GABRG3: variants seen among roughly 807,000 people sequenced by gnomAD.
The protein encoded by GABRG3 is gamma-aminobutyric acid type A receptor subunit gamma3.
GABRG3 carries 25 observed loss-of-function variants against 48.8 expected under a neutral mutation model. The observed-to-expected ratio is 0.51, with a 90% CI of 0.37 to 0.72. The LOEUF is 0.72. Ranked by LOEUF, GABRG3 falls within the 30% of genes least tolerant of loss-of-function variation. The pLI is 0.00. For synonymous variants in GABRG3, 227 were observed against 217.6 expected (o/e 1.04, Z -0.38); for missense variants, 394 against 577.9 (o/e 0.68, Z 3.26).
At chr15:27,307,334 A>G (rs1339037689) in intron 3 of GABRG3, among the ~76,000 whole-genome samples, 1 of 139,840 alleles carries the variant, frequency 7.2e-6, no homozygotes, top group African/African-American at 2.6e-5. Flanking sequence ...TTTATATATA[A>G]CCATAGGTTT....
At chr15:27,294,857 C>T (rs1390759441) in intron 3 of GABRG3, 1 of 152,228 alleles carries the variant, frequency 6.6e-6, no homozygotes, top group Non-Finnish European at 1.5e-5. Flanking sequence ...AGGCCTCCTA[C>T]ACCCTGATCT....
chr15:27,164,476 G>A (rs892955039), intron 3 of GABRG3, among the ~76,000 whole-genome samples: 6 of 152,156 alleles, frequency 3.9e-5, no homozygotes, highest in African/African-American at 1.4e-4. Flanking sequence ...GTACTACTGG[G>A]TTCTCAGTTG....
At chr15:27,104,091 G>A (rs750732449) in intron 3 of GABRG3, among the ~76,000 whole-genome samples, 1 of 152,166 alleles carries the variant, frequency 6.6e-6, no homozygotes, top group Admixed American at 6.5e-5. Flanking sequence ...CTTGTTTATC[G>A]AGGTTATAGA....
chr15:27,126,607 C>T (rs987969896), intron 3 of GABRG3, among the ~76,000 whole-genome samples: 10 of 152,120 alleles, frequency 6.6e-5, no homozygotes, highest in Admixed American at 3.9e-4. Context: ...AATGCTGGGG[C>T]GAGGCCTTTC....
chr15:27,016,001 C>G (rs2140671013), intron 2 of GABRG3, among the ~76,000 whole-genome samples: 1 of 152,198 alleles, frequency 6.6e-6, no homozygotes, highest in African/African-American at 2.4e-5. Context: ...CTCCACCTAC[C>G]TCTTTGTATA....
At position 27,319,916 on chromosome 15, in the gene GABRG3, T is replaced by C. The variant is rs889821375; in HGVS notation, c.271-6893T>C. Among the ~76,000 whole-genome samples the C allele has an allele frequency of 2.0e-5, 3 of 151,824 alleles. No individual in the cohort carries two copies. The highest frequency in any genetic ancestry group is 4.4e-5 in the Non-Finnish European group (3 of 67,970). ...GGGATGCGAATCTGAAAGCAGTCAG[T>C]GGGTTGGGGAGGGCAGAGGGAGGAT... On this transcript the variant is annotated intron_variant, in intron 3 of 9. Transcript: ENST00000615808. The surrounding 1 kb of genome is among the most constrained non-coding windows in gnomAD (Gnocchi z 4.4).
intron 3 of GABRG3, among the ~76,000 whole-genome samples, chr15:27,252,470 G>A (rs1485132306): frequency 6.6e-6 from 1 of 152,232 alleles, no homozygotes; most frequent in Non-Finnish European, 1.5e-5. Context: ...TCAGCATAGA[G>A]GAGACCAGAT....
intron 3 of GABRG3, among the ~76,000 whole-genome samples, chr15:27,177,820 AAAG>A (rs1432847403): frequency 6.6e-6 from 1 of 152,236 alleles, no homozygotes; most frequent in Non-Finnish European, 1.5e-5. Context: ...CAGTAAGGGA[AAAG>A]AAGCCTCAGA....
chr15:27,084,307 C>T (rs1897040420), intron 3 of GABRG3, among the ~76,000 whole-genome samples: 1 of 152,266 alleles, frequency 6.6e-6, no homozygotes, highest in African/African-American at 2.4e-5. Context: ...TTCATTTTTG[C>T]TTCTGAGTTT....
chr15:27,108,430 G>A (rs1411449226), intron 3 of GABRG3, among the ~76,000 whole-genome samples: 2 of 152,110 alleles, frequency 1.3e-5, no homozygotes, highest in Admixed American at 6.6e-5. Context: ...TTCTGTTCTT[G>A]TAAGTGTGTT....
intron 3 of GABRG3, among the ~76,000 whole-genome samples, chr15:27,151,164 T>C (rs1428733886): frequency 6.6e-6 from 1 of 152,172 alleles, no homozygotes; most frequent in Non-Finnish European, 1.5e-5. Flanking sequence ...GATGTTGACA[T>C]TGGTAAAGAT....
intron 3 of GABRG3, among the ~76,000 whole-genome samples, chr15:27,046,111 G>A (rs552578771): frequency 4.0e-5 from 6 of 151,568 alleles, no homozygotes; most frequent in African/African-American, 1.5e-4. Flanking sequence ...TTATTTTTTT[G>A]AGATGGAGTT....
At chr15:27,004,565 C>T (rs1252064489) in intron 2 of GABRG3, among the ~76,000 whole-genome samples, 1 of 152,170 alleles carries the variant, frequency 6.6e-6, no homozygotes, top group African/African-American at 2.4e-5. Flanking sequence ...GCAGAGGCTG[C>T]AATCTTGGCA....
At chr15:27,061,468 A>G (rs1382261926) in intron 3 of GABRG3, among the ~76,000 whole-genome samples, 1 of 150,678 alleles carries the variant, frequency 6.6e-6, no homozygotes, top group Non-Finnish European at 1.5e-5. Flanking sequence ...TTTTGTTAAA[A>G]TTAAATGTCA....
At chr15:27,360,796 C>G (rs1401611354) in intron 5 of GABRG3, among the ~76,000 whole-genome samples, 2 of 152,228 alleles carry the variant, frequency 1.3e-5, no homozygotes, top group Admixed American at 6.5e-5. Flanking sequence ...GTTAACCTGT[C>G]TGCCTCAGGC....
intron 3 of GABRG3, among the ~76,000 whole-genome samples, chr15:27,130,997 A>C (rs916194012): frequency 2.0e-5 from 3 of 152,036 alleles, no homozygotes; most frequent in Non-Finnish European, 4.4e-5. Flanking sequence ...ATAATTTTAC[A>C]TCTTCCTTTC....
At chr15:27,477,801 A>G (rs191574921) in intron 5 of GABRG3, among the ~76,000 whole-genome samples, 242 of 152,218 alleles carry the variant, frequency 1.6e-3, no homozygotes, top group Middle Eastern at 6.8e-3. Flanking sequence ...AGCACTTTGG[A>G]AGGCCAAGGC....
intron 3 of GABRG3, among the ~76,000 whole-genome samples, chr15:27,275,064 C>T (rs1439078754): frequency 6.6e-6 from 1 of 152,224 alleles, no homozygotes; most frequent in Middle Eastern, 3.4e-3. Context: ...AACTTGGAGC[C>T]ACAGCGTGCT....
intron 3 of GABRG3, among the ~76,000 whole-genome samples, chr15:27,136,853 G>A (rs777611854): frequency 1.3e-5 from 2 of 152,050 alleles, no homozygotes; most frequent in Admixed American, 6.5e-5. Flanking sequence ...ACATTTCTCC[G>A]ATGACTGCTA....
Sources: allele counts gnomAD v4.1 joint callset (sites outside exome capture counted in the v4.1 genomes callset), GRCh38; gene constraint gnomAD v4.1.1; non-coding constraint Gnocchi (gnomAD v3.1); transcripts MANE v1.5; gene names NCBI Gene and HGNC (gene_info 2026-07-23, HGNC 2026-07-21).